The following NELL1 variants were observed in gnomAD, a reference collection of about 807,000 sequenced individuals.
The protein encoded by NELL1 is neural EGFL like 1.
In NELL1, 76 loss-of-function variants were observed where a neutral mutation model predicts 107.4. That is an observed-to-expected ratio of 0.71 (90% confidence interval 0.59 to 0.86). The LOEUF is 0.86. NELL1 is among the 40% of genes least tolerant of loss of function. The pLI is 0.00. For synonymous variants in NELL1, 353 were observed against 341.2 expected (o/e 1.03, Z -0.38); for missense variants, 1,024 against 1,005.5 (o/e 1.02, Z -0.25).
intron 15 of NELL1, among the ~76,000 whole-genome samples, chr11:21,517,838 T>C (rs924317164): frequency 1.3e-5 from 2 of 152,138 alleles, no homozygotes; most frequent in Non-Finnish European, 2.9e-5. Context: ...TTTCAAGATA[T>C]ATGGTTAGGT....
intron 12 of NELL1, among the ~76,000 whole-genome samples, chr11:21,088,789 A>C (rs976492104): frequency 6.6e-6 from 1 of 152,206 alleles, no homozygotes; most frequent in Admixed American, 6.6e-5. Flanking sequence ...ACATAGGTAG[A>C]GTGAGACATA....
intron 2 of NELL1, among the ~76,000 whole-genome samples, chr11:20,782,100 T>C (rs1233395780): frequency 6.6e-6 from 1 of 151,980 alleles, no homozygotes; most frequent in Non-Finnish European, 1.5e-5. Flanking sequence ...TCTAATACTC[T>C]TTAGTTTACA....
chr11:21,021,201 G>T (rs1271725696), intron 12 of NELL1, among the ~76,000 whole-genome samples: 1 of 149,732 alleles, frequency 6.7e-6, no homozygotes, highest in East Asian at 2.0e-4. Flanking sequence ...TACATATTCA[G>T]TCTTACAGCC....
intron 16 of NELL1, among the ~76,000 whole-genome samples, chr11:21,547,125 G>GAA (rs146378805): frequency 6.6e-6 from 1 of 151,792 alleles, no homozygotes; most frequent in African/African-American, 2.4e-5. Context: ...AAGACTCTAA[G>GAA]AAAAAAGCAA....
intron 4 of NELL1, among the ~76,000 whole-genome samples, chr11:20,883,654 A>G (rs1849450303): frequency 6.6e-6 from 1 of 152,180 alleles, no homozygotes; most frequent in African/African-American, 2.4e-5. Flanking sequence ...ATTGAACATC[A>G]TTTGTGCCTC....
At chr11:20,702,184 T>C (rs1456688036) in intron 2 of NELL1, among the ~76,000 whole-genome samples, 11 of 152,180 alleles carry the variant, frequency 7.2e-5, no homozygotes, top group Admixed American at 7.2e-4. Flanking sequence ...TTTTGTTTCA[T>C]TGAGCAGTGG....
At chr11:21,413,421 C>T (rs867893121) in intron 15 of NELL1, among the ~76,000 whole-genome samples, 10 of 152,138 alleles carry the variant, frequency 6.6e-5, no homozygotes, top group Non-Finnish European at 1.3e-4. Context: ...GCTTCACTTT[C>T]ATGGTTCTAG....
chr11:20,674,661 A>C, intron 1 of NELL1: 1 of 771,212 alleles, frequency 1.3e-6, no homozygotes, highest in Non-Finnish European at 2.2e-6. Context: ...TAGTAGAGGG[A>C]AGAGACTGGA....
At chr11:20,874,062 G>C (rs1036564924) in intron 4 of NELL1, among the ~76,000 whole-genome samples, 6 of 151,908 alleles carry the variant, frequency 3.9e-5, no homozygotes, top group African/African-American at 1.5e-4. Context: ...ATTGAACCCG[G>C]TCTGAGTTTA....
intron 12 of NELL1, among the ~76,000 whole-genome samples, chr11:21,068,767 T>A (rs1853941333): frequency 6.6e-6 from 1 of 152,164 alleles, no homozygotes; most frequent in Non-Finnish European, 1.5e-5. Context: ...AGAGGTGCAT[T>A]GAATAAATAC....
At chr11:21,487,634 C>CAAAT in intron 15 of NELL1, among the ~76,000 whole-genome samples, 1 of 151,590 alleles carries the variant, frequency 6.6e-6, no homozygotes, top group East Asian at 1.9e-4. Context: ...AAAGAACATA[C>CAAAT]AACCAGAAAA....
intron 12 of NELL1, among the ~76,000 whole-genome samples, chr11:21,024,041 C>T (rs2134306503): frequency 1.3e-5 from 2 of 151,992 alleles, no homozygotes; most frequent in Admixed American, 6.6e-5. Flanking sequence ...AAAAGCCTTG[C>T]TACAAAAAAG....
chr11:20,931,129 C>T (rs1850608790), intron 9 of NELL1, among the ~76,000 whole-genome samples: 4 of 151,564 alleles, frequency 2.6e-5, no homozygotes, highest in Admixed American at 2.6e-4. Context: ...AGCTCACTTT[C>T]AAGGTAGAGA....
chr11:20,851,368 C>T (rs1343669794), intron 4 of NELL1, among the ~76,000 whole-genome samples: 2 of 152,066 alleles, frequency 1.3e-5, no homozygotes, highest in African/African-American at 4.8e-5. Context: ...GTTAGAAGTT[C>T]CTGATGTGTG....
chr11:21,428,186 G>A (rs1176821333), intron 15 of NELL1, among the ~76,000 whole-genome samples: 1 of 152,118 alleles, frequency 6.6e-6, no homozygotes, highest in Admixed American at 6.6e-5. Flanking sequence ...AAGGAAGGGA[G>A]GGTTAATAGA....
At chr11:20,863,313 C>T (rs1564939287) in intron 4 of NELL1, among the ~76,000 whole-genome samples, 1 of 128,752 alleles carries the variant, frequency 7.8e-6, no homozygotes, top group African/African-American at 2.8e-5. Context: ...GCTGGCCAGG[C>T]AGGGGCTGTT....
chr11:21,529,995 A>T (rs1204871990), intron 15 of NELL1, among the ~76,000 whole-genome samples: 1 of 152,106 alleles, frequency 6.6e-6, no homozygotes, highest in African/African-American at 2.4e-5. Flanking sequence ...TTTCTTTTAC[A>T]TTCTATTTGC....
chr11:21,298,281 A>G (rs1452308284), intron 14 of NELL1, among the ~76,000 whole-genome samples: 1 of 151,980 alleles, frequency 6.6e-6, no homozygotes, highest in Non-Finnish European at 1.5e-5. Context: ...TAGCTCTGCA[A>G]ACCTTTTCTA....
At chr11:20,906,727 A>T (rs758136132) in intron 5 of NELL1, among the ~76,000 whole-genome samples, 1 of 152,094 alleles carries the variant, frequency 6.6e-6, no homozygotes, top group Non-Finnish European at 1.5e-5. Context: ...TTAATAGAAT[A>T]AAGGAAAAAA....
Sources: gnomAD v4.1 joint callset for allele counts (sites outside exome capture counted in the v4.1 genomes callset) on GRCh38, gnomAD v4.1.1 for gene constraint, MANE v1.5 for transcripts, NCBI Gene and HGNC (gene_info 2026-07-23, HGNC 2026-07-21) for gene names.